The following RGS7BP variants were observed in gnomAD, a reference collection of about 807,000 sequenced individuals.
The protein encoded by RGS7BP is regulator of G protein signaling 7 binding protein.
In RGS7BP, 9 loss-of-function variants were observed where a neutral mutation model predicts 31.3. That is an observed-to-expected ratio of 0.29 (90% CI 0.17 to 0.50). The LOEUF (loss-of-function observed/expected upper bound fraction) is 0.50, where lower values mean the gene tolerates loss of function less well. RGS7BP is among the 20% of genes least tolerant of loss of function. RGS7BP has a pLI of 0.98. For synonymous variants in RGS7BP, 115 were observed against 120.1 expected (o/e 0.96, Z 0.28); for missense variants, 274 against 322.0 (o/e 0.85, Z 1.14).
chr5:64,528,810 CAAAAAAAAAAAAA>C (rs61488452), intron 2 of RGS7BP, among the ~76,000 whole-genome samples: 2 of 65,306 alleles, frequency 3.1e-5, no homozygotes, highest in African/African-American at 5.9e-5. Flanking sequence ...GACTCCATCT[CAAAAAAAAAAAAA>C]AAAAAAAAAA....
At chr5:64,596,147 G>A (rs768522121) in intron 4 of RGS7BP, among the ~76,000 whole-genome samples, 4 of 152,136 alleles carry the variant, frequency 2.6e-5, no homozygotes, top group South Asian at 2.1e-4. Context: ...CTATATTCAC[G>A]CCTTATAAGC....
At chr5:64,566,929 C>A (rs1742183649) in intron 2 of RGS7BP, among the ~76,000 whole-genome samples, 1 of 151,844 alleles carries the variant, frequency 6.6e-6, no homozygotes. Context: ...TTCTGTCACC[C>A]TGTGGCCCAT....
In RGS7BP at chr5:64,606,071, A is replaced by G. The variant is rs1470650361; in HGVS notation, c.683-3090A>G. Among the ~76,000 whole-genome samples, 3 of 150,004 alleles carry G rather than the reference A, an allele frequency of 2.0e-5. No individual in the cohort carries two copies. In the East Asian group the frequency reaches 5.9e-4, roughly 29 times the overall value. On this transcript the variant is annotated intron_variant, in intron 5 of 5. Transcript: ENST00000334025. ...AGAGAGAGAGAGAGAAGGCTGAGCG[A>G]GAAGAATTTCAATAGCTCAAAAGGC...
At chr5:64,522,422 C>G (rs577858989) in intron 2 of RGS7BP, among the ~76,000 whole-genome samples, 1 of 152,284 alleles carries the variant, frequency 6.6e-6, no homozygotes, top group African/African-American at 2.4e-5. Context: ...ACTAAAGACT[C>G]TCTATATAGG....
rs1196034479 is a variant in RGS7BP at position 64,506,835 on chromosome 5, G to A, written c.165+46G>A. ...TTTTTTTTTTTTTTTAATTGAGAGGGGGTGGGGGGAGTCATGTATGTTAAT... is the reference window on the plus strand; with the variant it reads ...TTTTTTTTTTTTTTTAATTGAGAGGAGGTGGGGGGAGTCATGTATGTTAAT... On this transcript the variant is annotated intron_variant, in intron 1 of 5. Transcript: ENST00000334025. This position sits in a 1 kb window ranked among gnomAD's most constrained non-coding sequence, Gnocchi z 4.6. 2 of 1,517,796 alleles carry A rather than the reference G, an allele frequency of 1.3e-6. No individual in the cohort carries two copies. The highest frequency in any genetic ancestry group is 8.9e-7 in the Non-Finnish European group (1 of 1,123,954). 94.0% of individuals were successfully genotyped at this position (1,517,796 alleles called of 1,614,324 possible). A position where few individuals can be genotyped will look rare whatever the true frequency, so the allele number is the denominator to read the frequency against.
rs941187752 is a variant in RGS7BP, at chr5:64,564,542, C to A, written c.333-11232C>A. The stretch of plus-strand genomic sequence containing the variant: ...TGAGAAGGGTACAGATTGTGATGAA[C>A]TTTTTATACACCCTTAAGTAATTAA... On this transcript the variant is annotated intron_variant, in intron 2 of 5. Coordinates refer to ENST00000334025, the MANE Select transcript of RGS7BP (RefSeq NM_001029875.3). 3.3e-5 allele frequency among the ~76,000 whole-genome samples: 5 copies of A among 152,094 alleles called. No homozygotes were observed. The East Asian group carries it at 5.8e-4, about 18-fold the overall frequency.
chr5:64,608,863 A>T (rs1449518516), intron 5 of RGS7BP, among the ~76,000 whole-genome samples: 1 of 152,068 alleles, frequency 6.6e-6, no homozygotes, highest in Non-Finnish European at 1.5e-5. Flanking sequence ...AGTGGTTCTC[A>T]GCCTTGAACT....
intron 2 of RGS7BP, among the ~76,000 whole-genome samples, chr5:64,534,792 A>G (rs1170752201): frequency 6.6e-6 from 1 of 152,238 alleles, no homozygotes; most frequent in Non-Finnish European, 1.5e-5. Context: ...ATAAATTTAA[A>G]TATGGAAGGC....
chr5:64,537,679 C>T (rs145227900), intron 2 of RGS7BP, among the ~76,000 whole-genome samples: 1 of 152,276 alleles, frequency 6.6e-6, no homozygotes, highest in East Asian at 1.9e-4. Context: ...AAAGCTACAT[C>T]ATGGACCATT....
In RGS7BP at chr5:64,609,154, A is replaced by G; in HGVS notation, c.683-7A>G. 3 of 1,589,516 alleles carry G rather than the reference A, an allele frequency of 1.9e-6. No homozygotes were observed. The highest frequency in any genetic ancestry group is 2.6e-6 in the Non-Finnish European group (3 of 1,157,952). ...CTCACTTATGTGCACATTATGTCCC[A>G]TCACAGATGACAGCAGCCTTCTGAA... On this transcript the variant is annotated splice_region_variant and splice_polypyrimidine_tract_variant and intron_variant, in intron 5 of 5. Coordinates refer to ENST00000334025, the MANE Select transcript of RGS7BP (RefSeq NM_001029875.3).
intron 2 of RGS7BP, among the ~76,000 whole-genome samples, chr5:64,552,712 T>G (rs1741824657): frequency 6.6e-6 from 1 of 152,228 alleles, no homozygotes; most frequent in African/African-American, 2.4e-5. Flanking sequence ...ATGGTGTCTA[T>G]TGACTATTTT....
At chr5:64,602,781 T>A (rs191691791) in intron 5 of RGS7BP, among the ~76,000 whole-genome samples, 14 of 152,156 alleles carry the variant, frequency 9.2e-5, no homozygotes, top group African/African-American at 3.4e-4. Context: ...GCCATAACAG[T>A]TAGATATGGG....
At chr5:64,574,163 A>G (rs1367893878) in intron 2 of RGS7BP, among the ~76,000 whole-genome samples, 4 of 152,204 alleles carry the variant, frequency 2.6e-5, no homozygotes, top group Non-Finnish European at 4.4e-5. Flanking sequence ...TTTTTATTAC[A>G]TGAACCATTA....
rs1425435043 is a variant in RGS7BP, at chr5:64,610,194, G to A, written c.*942G>A. On this transcript the variant is annotated 3_prime_UTR_variant, in exon 6 of 6. Transcript: ENST00000334025. ...ATTGTTAATAAAGTTTTTTAGTTAA[G>A]CTAAGCTTGTCTCATTTTAGATGAC... is the stretch of plus-strand genomic sequence containing the variant. The A allele has an allele frequency of 6.6e-6, 1 of 152,348 alleles. No homozygotes were observed. The highest frequency in any genetic ancestry group is 1.5e-5 in the Non-Finnish European group (1 of 67,906). 9.4% of individuals were successfully genotyped at this position (152,348 alleles called of 1,614,324 possible).
chr5:64,571,533 C>T (rs1039332158), intron 2 of RGS7BP, among the ~76,000 whole-genome samples: 1 of 152,136 alleles, frequency 6.6e-6, no homozygotes, highest in Non-Finnish European at 1.5e-5. Flanking sequence ...TTAATTCCCA[C>T]GAACAATGTA....
At chr5:64,531,015 C>T (rs1469752146) in intron 2 of RGS7BP, among the ~76,000 whole-genome samples, 1 of 152,192 alleles carries the variant, frequency 6.6e-6, no homozygotes, top group Non-Finnish European at 1.5e-5. Context: ...CTAATTATCC[C>T]TTCCTCTTGG....
rs73111069 is a variant in RGS7BP, at chr5:64,563,344, A to C, written c.333-12430A>C. Among the ~76,000 whole-genome samples, 388 of 152,202 alleles carry C rather than the reference A, an allele frequency of 2.5e-3. 7 individuals carry two copies. The highest frequency in any genetic ancestry group is 7.9e-3 in the African/African-American group (327 of 41,526). The stretch of plus-strand genomic sequence containing the variant: ...TATGTCCCCCAAATTCATATGTTGA[A>C]GTCTTAGCCCTTATTTGGAATGTGA... On this transcript the variant is annotated intron_variant, in intron 2 of 5. Coordinates refer to ENST00000334025, the MANE Select transcript of RGS7BP (RefSeq NM_001029875.3).
At chr5:64,523,768 C>T (rs1282377659) in intron 2 of RGS7BP, among the ~76,000 whole-genome samples, 2 of 152,206 alleles carry the variant, frequency 1.3e-5, no homozygotes, top group Non-Finnish European at 2.9e-5. Flanking sequence ...GAACATGTTA[C>T]ACCTTTCTGG....
intron 3 of RGS7BP, among the ~76,000 whole-genome samples, chr5:64,593,724 C>G (rs1382744268): frequency 6.6e-6 from 1 of 152,124 alleles, no homozygotes; most frequent in Non-Finnish European, 1.5e-5. Flanking sequence ...ATATCTCTAG[C>G]ATGAATCCCA....
Sources: allele counts gnomAD v4.1 joint callset (sites outside exome capture counted in the v4.1 genomes callset), GRCh38; gene constraint gnomAD v4.1.1; non-coding constraint Gnocchi (gnomAD v3.1); transcripts MANE v1.5; gene names NCBI Gene and HGNC (gene_info 2026-07-23, HGNC 2026-07-21).